The following VARS2 variants were observed in gnomAD, a reference collection of about 807,000 sequenced individuals.
VARS2 encodes the protein valine--tRNA ligase, mitochondrial.
VARS2 carries 105 observed loss-of-function variants against 154.1 expected under a neutral mutation model. The ratio of observed to expected loss-of-function variants is 0.68; its 90% CI spans 0.58 to 0.80. VARS2 has a LOEUF of 0.80. VARS2 is among the 30% of genes least tolerant of loss of function. The pLI is 0.00. For missense variants in VARS2, 1,157 were observed against 1,361.4 expected (o/e 0.85, Z 2.36); for synonymous variants, 483 against 539.5 (o/e 0.90, Z 1.45).
chr6:30,924,381 T>C lies in VARS2; in HGVS notation c.2494T>C (p.Ser832Pro), dbSNP rs753223358. 3.7e-6 allele frequency: 6 copies of C among 1,612,312 alleles called. No homozygotes were observed. In the East Asian group the frequency reaches 1.3e-4, roughly 36 times the overall value. Residue 832 changes from serine to proline, a missense_variant, in exon 26 of 30, where the codon TCG (serine) becomes CCG (proline). Coordinates refer to ENST00000676266, the MANE Select transcript of VARS2 (RefSeq NM_020442.6). ...LEAVKPVLWH[S>P]PRPLGPPQVL... ...GGCTGTGAAGCCCGTGCTGTGGCAC[T>C]CGCCCCGCCCCCTGGGGCCCCCTCA...
chr6:30,914,761 C>T, intron 1 of VARS2, 49 bp from the exon 2 acceptor site: 1 of 1,522,662 alleles, frequency 6.6e-7, no homozygotes, highest in Non-Finnish European at 9.0e-7. Flanking sequence ...AGGGGAGTGA[C>T]CCTTCTCCAC....
Position 30,926,393 on chromosome 6 carries a change from G to T in VARS2, c.*183G>T. On this transcript the variant is annotated 3_prime_UTR_variant, in exon 30 of 30. Transcript: ENST00000676266. ...GTGTCCTTGAGATGCTCACATTACT[G>T]CCCGGCCTGCCTCCCACCTGGAAGT... The T allele has an allele frequency of 3.2e-6, 2 of 633,752 alleles. No individual in the cohort carries two copies. Among genetic ancestry groups the T allele is most frequent in the Non-Finnish European group, 5.5e-6 (2 of 365,070 alleles). The allele number at this position is 633,752 out of a possible 1,614,324, so 39.3% of individuals were successfully genotyped here.
Position 30,921,676 on chromosome 6 carries a change from C to G in VARS2, c.1720C>G (p.Leu574Val). 1 of 1,605,490 alleles carries G rather than the reference C, an allele frequency of 6.2e-7. No individual in the cohort carries two copies. The highest frequency in any genetic ancestry group is 8.5e-7 in the Non-Finnish European group (1 of 1,177,484). The change falls in exon 18 of 30, where the codon CTG becomes GTG. Residue 574 changes from leucine to valine, a missense_variant. By Grantham distance (32) the Leu-to-Val change is conservative. Transcript: ENST00000676266. This position sits in a 1 kb window ranked among gnomAD's most constrained non-coding sequence, Gnocchi z 4.6. ...AELTGRPGAE[L>V]TLERDPDVLD... ...ACTGACAGGGAGGCCAGGGGCAGAG[C>G]TGACCCTGGAGAGGGGTGAGTGCCT...
Position 30,925,967 on chromosome 6 carries a change from A to G in VARS2, c.3049A>G (p.Thr1017Ala). Residue 1017 changes from threonine (T) to alanine (A), a missense_variant, in exon 29 of 30, where the codon ACC becomes GCC. Thr to Ala is a moderately conservative substitution (Grantham distance 58). Transcript: ENST00000676266. ...QKQLDSLTAR[T>A]PSEGEAGTQR... ...GCAGCTTGACAGCCTCACAGCCAGG[A>G]CCCCATCAGAAGGGGAGGCAGGGAC... The G allele has an allele frequency of 1.2e-6, 2 of 1,613,028 alleles. No homozygotes were observed. Among genetic ancestry groups the G allele is most frequent in the Non-Finnish European group, 1.7e-6 (2 of 1,180,012 alleles).
Position 30,926,152 on chromosome 6 carries a change from C to G in VARS2, c.3134C>G (p.Ala1045Gly), listed in dbSNP as rs1464466915. Residue 1045 changes from alanine to glycine, a missense_variant, in exon 30 of 30, where the codon GCC (alanine) becomes GGC (glycine). Coordinates refer to ENST00000676266, the MANE Select transcript of VARS2 (RefSeq NM_020442.6). The part of the protein sequence containing the change: ...QLELSKLDKA[A>G]SHLRQLMDEP... ...GAATTGTCAAAACTGGACAAGGCAG[C>G]CTCTCACCTCCGGCAGCTGATGGAT... 6.2e-7 allele frequency: 1 copy of G among 1,613,012 alleles called. No individual in the cohort carries two copies. Among genetic ancestry groups the G allele is most frequent in the East Asian group, 2.2e-5 (1 of 44,906 alleles).
At chr6:30,925,239 C>G (rs1794759144) in intron 26 of VARS2, 35 bp from the exon 27 acceptor site, 2 of 1,551,332 alleles carry the variant, frequency 1.3e-6, no homozygotes, top group Non-Finnish European at 1.8e-6. Context: ...CTCCCAGGAG[C>G]CCCTTTGCCA....
At position 30,921,050 on chromosome 6, in the gene VARS2, C is replaced by T. The variant is rs1459017599; in HGVS notation, c.1480-15C>T. On this transcript the variant is annotated splice_polypyrimidine_tract_variant and intron_variant, in intron 15 of 29. Transcript: ENST00000676266. This position sits in a 1 kb window ranked among gnomAD's most constrained non-coding sequence, Gnocchi z 4.6. ...CAGGAAGGGCAACATTGTCTAAAGT[C>T]CCCTTTCTCTCCAGGCTGTGGAGTC... 12 of 1,603,918 alleles carry T rather than the reference C, an allele frequency of 7.5e-6. No homozygotes were observed. Among genetic ancestry groups the T allele is most frequent in the South Asian group, 1.1e-5 (1 of 88,960 alleles).
rs1388965555 is a variant in VARS2, at chr6:30,920,833, A to G, written c.1479+84A>G. Reference sequence around the variant, plus strand: ...GGAATGAAGAAATGGGAAGCAGGAGACCTCCTGCCCTGAAGACCTCTCCAG... The same window carrying G: ...GGAATGAAGAAATGGGAAGCAGGAGGCCTCCTGCCCTGAAGACCTCTCCAG... On this transcript the variant is annotated intron_variant, in intron 15 of 29. Coordinates refer to ENST00000676266, the MANE Select transcript of VARS2 (RefSeq NM_020442.6). This position sits in a 1 kb window ranked among gnomAD's most constrained non-coding sequence, Gnocchi z 4.6. 4.7e-6 allele frequency: 6 copies of G among 1,270,794 alleles called. No homozygotes were observed. The highest frequency in any genetic ancestry group is 3.0e-5 in the African/African-American group (2 of 66,176). 78.7% of individuals were successfully genotyped at this position (1,270,794 alleles called of 1,614,324 possible).
rs781652077 is a variant in VARS2, at chr6:30,920,550, C to T, written c.1397+114C>T. The T allele has an allele frequency of 1.6e-5, 22 of 1,340,864 alleles. No individual in the cohort carries two copies. The African/African-American group carries it at 2.2e-4, about 13-fold the overall frequency. The allele number at this position is 1,340,864 out of a possible 1,614,324, so 83.1% of individuals were successfully genotyped here. On this transcript the variant is annotated intron_variant, in intron 14 of 29. Transcript: ENST00000676266. The surrounding 1 kb of genome is among the most constrained non-coding windows in gnomAD (Gnocchi z 4.6). ...CTCCGTTAGAATACGAGCTCCGTGT[C>T]GGTTTTATTCGCTATTGTATCCTCA...
Position 30,926,117 on chromosome 6 carries a change from C to T in VARS2, c.3099C>T (p.Ser1033=), listed in dbSNP as rs1016037472. The T allele has an allele frequency of 1.9e-6, 3 of 1,613,010 alleles. No homozygotes were observed. In the African/African-American group the frequency reaches 4.0e-5, roughly 22 times the overall value. ...AGTQRQQKLS[S]LQLELSKLDK... The stretch of plus-strand genomic sequence containing the variant: ...CTTTTCTCCTCGTCCAGCTTTCTTC[C>T]CTCCAGCTGGAATTGTCAAAACTGG... Residue 1033 remains serine (S), a synonymous_variant, in exon 30 of 30, where the codon TCC becomes TCT. Coordinates refer to ENST00000676266, the MANE Select transcript of VARS2 (RefSeq NM_020442.6).
At chr6:30,924,599 T>TG (rs777901055) in intron 26 of VARS2, 39 bp downstream of exon 26, 14 of 1,160,182 alleles carry the variant, frequency 1.2e-5, no homozygotes, top group Non-Finnish European at 1.6e-5. Context: ...TGTGGGTGAA[T>TG]GGGGGGGAGC....
At position 30,921,216 on chromosome 6, in the gene VARS2, T is replaced by C. The variant is rs1482803682; in HGVS notation, c.1557-14T>C. 3.7e-6 allele frequency: 6 copies of C among 1,613,920 alleles called. No homozygotes were observed. Among genetic ancestry groups the C allele is most frequent in the Non-Finnish European group, 4.2e-6 (5 of 1,180,004 alleles). ...ACTGGTTATTCTAAGACTTCACGAA[T>C]GTCCTCCCGGCAGGGACTGGTGTGT... is the stretch of plus-strand genomic sequence containing the variant. On this transcript the variant is annotated splice_polypyrimidine_tract_variant and intron_variant, in intron 16 of 29. Coordinates refer to ENST00000676266, the MANE Select transcript of VARS2 (RefSeq NM_020442.6). This position sits in a 1 kb window ranked among gnomAD's most constrained non-coding sequence, Gnocchi z 4.6.
In VARS2 at chr6:30,919,670, C is replaced by A; in HGVS notation, c.1075-88C>A. 9.5e-7 allele frequency: 1 copy of A among 1,052,368 alleles called. No homozygotes were observed. The highest frequency in any genetic ancestry group is 2.2e-4 in the Middle Eastern group (1 of 4,468). The allele number at this position is 1,052,368 out of a possible 1,614,324, so 65.2% of individuals were successfully genotyped here. A position where few individuals can be genotyped will look rare whatever the true frequency, so the allele number is the denominator to read the frequency against. ...TAGCTTGCTACCTTCCACTTTCTAC[C>A]TTCTTATTCCTGGGGTTCTCACGCC... On this transcript the variant is annotated intron_variant, in intron 11 of 29. Transcript: ENST00000676266. The surrounding 1 kb of genome is among the most constrained non-coding windows in gnomAD (Gnocchi z 4.5).
Position 30,926,207 on chromosome 6 carries a change from C to G in VARS2, c.3189C>G (p.Leu1063=). 2.5e-6 allele frequency: 4 copies of G among 1,613,106 alleles called. No homozygotes were observed. The highest frequency in any genetic ancestry group is 3.4e-6 in the Non-Finnish European group (4 of 1,180,012). Residue 1063 remains leucine, a synonymous_variant, in exon 30 of 30, where the codon CTC becomes CTG. Transcript: ENST00000676266. ...DEPPAPGSPE[L] is the part of the protein sequence containing the mutation. ...CTCCAGCCCCAGGGAGCCCGGAGCTCTAACTCATCATCCCCATCAGTTTTC... is the reference window on the plus strand; with the variant it reads ...CTCCAGCCCCAGGGAGCCCGGAGCTGTAACTCATCATCCCCATCAGTTTTC...
In VARS2 at chr6:30,916,189, T is replaced by G; in HGVS notation, c.611T>G (p.Val204Gly). The G allele has an allele frequency of 6.2e-7, 1 of 1,613,364 alleles. No homozygotes were observed. Among genetic ancestry groups the G allele is most frequent in the Non-Finnish European group, 8.5e-7 (1 of 1,179,786 alleles). The change falls in exon 7 of 30, where the codon GTG (valine) becomes GGG (glycine). Residue 204 changes from valine to glycine, a missense_variant. Transcript: ENST00000676266. This position sits in a 1 kb window ranked among gnomAD's most constrained non-coding sequence, Gnocchi z 4.0. ...AAACAACTGTGGAAGGAACGGGGAG[T>G]GAGGAGACATGAGCTGAGCCGGGAG... ...VEKQLWKERGVRRHELSREAF... is the reference protein window; with the variant it reads ...VEKQLWKERGGRRHELSREAF...
At chr6:30,923,691 T>A in intron 25 of VARS2, 186 bp downstream of exon 25, 1 of 786,288 alleles carries the variant, frequency 1.3e-6, no homozygotes, top group Non-Finnish European at 1.9e-6. Context: ...GCCCAGGCAC[T>A]GTTGCCTGCC....
rs28383826 is a variant in VARS2, at chr6:30,916,453, C to CGT, written c.671+227_671+228dup. 64,709 of 395,386 alleles carry CGT rather than the reference C, an allele frequency of 0.16. 4,625 individuals are homozygous for CGT. The highest frequency in any genetic ancestry group is 0.25 in the African/African-American group (11,489 of 45,914). 24.5% of individuals were successfully genotyped at this position (395,386 alleles called of 1,614,324 possible). A position where few individuals can be genotyped will look rare whatever the true frequency, so the allele number is the denominator to read the frequency against. On this transcript the variant is annotated intron_variant, in intron 7 of 29. Transcript: ENST00000676266. The surrounding 1 kb of genome is among the most constrained non-coding windows in gnomAD (Gnocchi z 4.0). Reference sequence around the variant, plus strand: ...GATATTATATATGCATTAGAATATTCGTGTGTGTGTGTGTGTGTGTGTGTA... The same window carrying CGT: ...GATATTATATATGCATTAGAATATTCGTGTGTGTGTGTGTGTGTGTGTGTGTA...
chr6:30,922,635 G>A (rs1380608810), intron 21 of VARS2, 71 bp from the exon 22 acceptor site: 4 of 1,570,910 alleles, frequency 2.5e-6, no homozygotes. Flanking sequence ...GAGGAGTGAG[G>A]CCAGCAGGTG....
chr6:30,921,226 G>C lies in VARS2; in HGVS notation c.1557-4G>C. ...CTAAGACTTCACGAATGTCCTCCCG[G>C]CAGGGACTGGTGTGTCTCCCGGCAG... is the stretch of plus-strand genomic sequence containing the variant. On this transcript the variant is annotated splice_polypyrimidine_tract_variant and splice_region_variant and intron_variant, in intron 16 of 29. Transcript: ENST00000676266. The surrounding 1 kb of genome is among the most constrained non-coding windows in gnomAD (Gnocchi z 4.6). 2 of 1,614,148 alleles carry C rather than the reference G, an allele frequency of 1.2e-6. No individual in the cohort carries two copies. The highest frequency in any genetic ancestry group is 1.7e-6 in the Non-Finnish European group (2 of 1,180,012).
Sources: gnomAD v4.1 joint callset for allele counts on GRCh38, gnomAD v4.1.1 for gene constraint, Gnocchi (gnomAD v3.1) non-coding constraint, MANE v1.5 for transcripts, NCBI Gene and HGNC (gene_info 2026-07-23, HGNC 2026-07-21) for gene names.